Variants in SPTB observed in about 807,000 individuals in gnomAD.
The protein encoded by SPTB is spectrin beta chain, erythrocytic.
SPTB carries 45 observed loss-of-function variants against 256.2 expected under a neutral mutation model. The ratio of observed to expected loss-of-function variants is 0.18; its 90% CI spans 0.14 to 0.23. The LOEUF (loss-of-function observed/expected upper bound fraction) is 0.23. SPTB is among the 10% of genes least tolerant of loss of function. The pLI is 1.00. For synonymous variants in SPTB, 1,231 were observed against 1,243.1 expected (o/e 0.99, Z 0.21); for missense variants, 2,715 against 3,040.4 (o/e 0.89, Z 2.52).
intron 32 of SPTB, among the ~76,000 whole-genome samples, chr14:64,761,148 ACT>A (rs1223325443): frequency 6.6e-6 from 1 of 152,044 alleles, no homozygotes; most frequent in African/African-American, 2.4e-5. Context: ...CCAAGAAGTG[ACT>A]CTGGCCGCCA....
chr14:64,800,436 A>G (rs964845384), intron 8 of SPTB, among the ~76,000 whole-genome samples: 12 of 152,244 alleles, frequency 7.9e-5, no homozygotes, highest in African/African-American at 2.4e-4. Context: ...GTGGGTGCCT[A>G]AGAGGTCTGC....
At chr14:64,789,351 C>T (rs989901075) in intron 15 of SPTB, among the ~76,000 whole-genome samples, 9 of 151,952 alleles carry the variant, frequency 5.9e-5, no homozygotes, top group African/African-American at 2.2e-4. Flanking sequence ...GATTCTGTCT[C>T]TATAAAAAAT....
intron 1 of SPTB, among the ~76,000 whole-genome samples, chr14:64,831,989 T>C (rs151281265): frequency 2.0e-4 from 30 of 152,142 alleles, no homozygotes; most frequent in African/African-American, 6.3e-4. Flanking sequence ...GTGAAGGGAA[T>C]AGAAAAGGAA....
chr14:64,763,019 GCA>G (rs1024795472), intron 32 of SPTB, among the ~76,000 whole-genome samples: 3 of 152,202 alleles, frequency 2.0e-5, no homozygotes, highest in African/African-American at 7.2e-5. Flanking sequence ...CCAGAATCAG[GCA>G]CAGTGGACAG....
chr14:64,795,986 A>G lies in SPTB; in HGVS notation c.1342-347T>C, dbSNP rs1051698437. ...TTGGGGCAGGAAGGGGCTGCTTCTC[A>G]CTCGGAAACCCATGCACCAGCAAAC... On this transcript the variant is annotated intron_variant, in intron 11 of 35. Transcript: ENST00000644917. The surrounding 1 kb of genome is among the most constrained non-coding windows in gnomAD (Gnocchi z 6.5). 1.3e-5 allele frequency among the ~76,000 whole-genome samples: 2 copies of G among 152,032 alleles called. No individual in the cohort carries two copies. Among genetic ancestry groups the G allele is most frequent in the Non-Finnish European group, 2.9e-5 (2 of 68,008 alleles).
At chr14:64,750,574 A>C (rs537046361) in intron 33 of SPTB, among the ~76,000 whole-genome samples, 4 of 151,966 alleles carry the variant, frequency 2.6e-5, no homozygotes, top group Admixed American at 2.6e-4. Flanking sequence ...TCAGGAGTTC[A>C]AGACCAGCCT....
Position 64,805,037 on chromosome 14 carries a change from G to C in SPTB, c.202C>G (p.Leu68Val). 1 of 1,614,186 alleles carries C rather than the reference G, an allele frequency of 6.2e-7. No homozygotes were observed. The highest frequency in any genetic ancestry group is 8.5e-7 in the Non-Finnish European group (1 of 1,180,046). ...GTGATGCGGCAGGACACTCGAGCCA[G>C]GTGCGAGTTCACCCATTTCGTGAAG... ...KTFTKWVNSH[L>V]ARVSCRITDL... The change falls in exon 3 of 36, where the codon CTG becomes GTG. Residue 68 changes from leucine (L) to valine (V), a missense_variant. Transcript: ENST00000644917.
chr14:64,794,662 A>G (rs1360223453), intron 12 of SPTB, 45 bp from the exon 13 acceptor site: 17 of 1,612,620 alleles, frequency 1.1e-5, no homozygotes, highest in Non-Finnish European at 1.4e-5. Context: ...AAGTGAAGAG[A>G]CCTACACATT....
At position 64,775,482 on chromosome 14, in the gene SPTB, C is replaced by T; in HGVS notation, c.4564-79G>A. On this transcript the variant is annotated intron_variant, in intron 22 of 35. Transcript: ENST00000644917. This position sits in a 1 kb window ranked among gnomAD's most constrained non-coding sequence, Gnocchi z 5.0. ...CTGCTTCAGCAGTGGCAGCACAGCT[C>T]TGACACCCTTGGTCCCTCTCACCCC... 1 of 1,534,128 alleles carries T rather than the reference C, an allele frequency of 6.5e-7. No homozygotes were observed. The highest frequency in any genetic ancestry group is 8.8e-7 in the Non-Finnish European group (1 of 1,133,878).
intron 2 of SPTB, among the ~76,000 whole-genome samples, chr14:64,814,744 T>C (rs1191813893): frequency 1.3e-5 from 2 of 152,136 alleles, no homozygotes; most frequent in Non-Finnish European, 1.5e-5. Flanking sequence ...CTCGAGCTCC[T>C]GGCCTCCCCG....
Position 64,785,446 on chromosome 14 carries a change from G to A in SPTB, c.3855+91C>T, listed in dbSNP as rs538209627. The A allele has an allele frequency of 8.4e-7, 1 of 1,193,358 alleles. No homozygotes were observed. The highest frequency in any genetic ancestry group is 1.5e-5 in the African/African-American group (1 of 66,284). The allele number at this position is 1,193,358 out of a possible 1,614,324, so 73.9% of individuals were successfully genotyped here. On this transcript the variant is annotated intron_variant, in intron 18 of 35. Coordinates refer to ENST00000644917, the MANE Select transcript of SPTB (RefSeq NM_001355436.2). This position sits in a 1 kb window ranked among gnomAD's most constrained non-coding sequence, Gnocchi z 4.4. ...ATGGAATCCCACAGCTCTTGAGCTA[G>A]AAAGGATCCCTGTGGACTTCCTGCC...
At position 64,779,854 on chromosome 14, in the gene SPTB, C is replaced by T. The variant is rs1170577625; in HGVS notation, c.4344G>A (p.Glu1448=). ...LFAQVPSMGE[E]GGDADLSIEK... is the part of the protein sequence containing the mutation. ...CGATGCTCAAGTCTGCATCTCCTCC[C>T]TCCTCTCCCATTGAAGGCACCTGGG... Residue 1448 remains glutamate, a synonymous_variant, in exon 21 of 36, where the codon GAG becomes GAA. Transcript: ENST00000644917. The surrounding 1 kb of genome is among the most constrained non-coding windows in gnomAD (Gnocchi z 4.2). 5 of 1,614,160 alleles carry T rather than the reference C, an allele frequency of 3.1e-6. No individual in the cohort carries two copies. In the East Asian group the frequency reaches 6.7e-5, roughly 22 times the overall value.
At position 64,800,749 on chromosome 14, in the gene SPTB, C is replaced by T. The variant is rs750904780; in HGVS notation, c.876+7G>A. 3.1e-6 allele frequency: 5 copies of T among 1,613,488 alleles called. No individual in the cohort carries two copies. In the African/African-American group the frequency reaches 4.0e-5, roughly 13 times the overall value. On this transcript the variant is annotated splice_region_variant and intron_variant, in intron 8 of 35. Coordinates refer to ENST00000644917, the MANE Select transcript of SPTB (RefSeq NM_001355436.2). ...GAGTGACACTTTGGTTCCAAAACAG[C>T]TTGTACCTTGCCGACACGCTTGCCC...
In SPTB at chr14:64,852,725, TACAAGAC is replaced by T. The variant is rs556315450; in HGVS notation, c.-52+27060_-52+27066del. Among the ~76,000 whole-genome samples the T allele has an allele frequency of 5.3e-4, 80 of 152,250 alleles. No individual in the cohort carries two copies. The highest frequency in any genetic ancestry group is 1.6e-3 in the African/African-American group (65 of 41,538). On this transcript the variant is annotated intron_variant, in intron 1 of 35. Transcript: ENST00000644917. The surrounding 1 kb of genome is among the most constrained non-coding windows in gnomAD (Gnocchi z 4.2). ...TGGTCCTATCAACCAAGGTAGTGAT[TACAAGAC>T]AAGGAGGAAGTTTAGCGGGGATAAA... is the stretch of plus-strand genomic sequence containing the variant.
rs116716300 is a variant in SPTB at position 64,758,379 on chromosome 14, G to T, written c.6346-4586C>A. Among the ~76,000 whole-genome samples the T allele has an allele frequency of 9.9e-3, 1,501 of 152,356 alleles. 31 individuals carry two copies. The highest frequency in any genetic ancestry group is 0.061 in the South Asian group (294 of 4,828). On this transcript the variant is annotated intron_variant, in intron 32 of 35. Coordinates refer to ENST00000644917, the MANE Select transcript of SPTB (RefSeq NM_001355436.2). The surrounding 1 kb of genome is among the most constrained non-coding windows in gnomAD (Gnocchi z 4.6). ...TGAGACAGGAAGGGAGAAGCCATGT[G>T]AACAGGTAAGCAGTGCAGGAGGGCC...
At position 64,785,990 on chromosome 14, in the gene SPTB, C is replaced by G. The variant is rs530951278; in HGVS notation, c.3562-39G>C. The G allele has an allele frequency of 1.9e-6, 3 of 1,607,344 alleles. No individual in the cohort carries two copies. Among genetic ancestry groups the G allele is most frequent in the South Asian group, 1.1e-5 (1 of 90,712 alleles). On this transcript the variant is annotated intron_variant, in intron 16 of 35. Transcript: ENST00000644917. This position sits in a 1 kb window ranked among gnomAD's most constrained non-coding sequence, Gnocchi z 4.4. The stretch of plus-strand genomic sequence containing the variant: ...TTTCCAGACAAGGCATGAAGACACA[C>G]GGAGGAGGTGATGAGCACACCTCCC...
intron 33 of SPTB, among the ~76,000 whole-genome samples, chr14:64,753,124 G>A (rs746297559): frequency 6.6e-6 from 1 of 152,154 alleles, no homozygotes; most frequent in African/African-American, 2.4e-5. Context: ...CAAGGATGTT[G>A]TTAGTGCCAA....
chr14:64,812,864 C>T (rs1225428809), intron 2 of SPTB, among the ~76,000 whole-genome samples: 2 of 152,310 alleles, frequency 1.3e-5, no homozygotes, highest in South Asian at 2.1e-4. Context: ...CTATTACATT[C>T]CTTGAGGGCT....
rs533013986 is a variant in SPTB at position 64,864,127 on chromosome 14, TAGA to T, written c.-52+15662_-52+15664del. 1.2e-3 allele frequency among the ~76,000 whole-genome samples: 185 copies of T among 152,158 alleles called. 1 individual carries two copies. The highest frequency in any genetic ancestry group is 4.3e-3 in the African/African-American group (180 of 41,520). On this transcript the variant is annotated intron_variant, in intron 1 of 35. Coordinates refer to ENST00000644917, the MANE Select transcript of SPTB (RefSeq NM_001355436.2). ...AATTCTGAAACTCATCATGAAGAGA[TAGA>T]AGGAGCATAAGATATTACACAGCTG...
Sources: gnomAD v4.1 joint callset for allele counts (sites outside exome capture counted in the v4.1 genomes callset) on GRCh38, gnomAD v4.1.1 for gene constraint, Gnocchi (gnomAD v3.1) non-coding constraint, MANE v1.5 for transcripts, NCBI Gene and HGNC (gene_info 2026-07-23, HGNC 2026-07-21) for gene names.